WDR70: variants seen among roughly 807,000 people sequenced by gnomAD.
The protein encoded by WDR70 is WD repeat-containing protein 70.
In WDR70, 53 loss-of-function variants were observed where a neutral mutation model predicts 88.6. That is an observed-to-expected ratio of 0.60 (90% CI 0.48 to 0.75). The LOEUF (loss-of-function observed/expected upper bound fraction) is 0.75, where lower values mean the gene tolerates loss of function less well. Among genes scored for constraint, WDR70 ranks in the 30% least tolerant of loss-of-function variants. The pLI is 0.00. For missense variants in WDR70, 610 were observed against 823.2 expected (o/e 0.74, Z 3.17); for synonymous variants, 280 against 270.0 (o/e 1.04, Z -0.36).
chr5:37,381,048 G>A (rs1748409205), intron 2 of WDR70, among the ~76,000 whole-genome samples: 3 of 152,178 alleles, frequency 2.0e-5, no homozygotes, highest in Admixed American at 2.0e-4. Context: ...AAAGTTACTG[G>A]GGGAGGAGGA....
At chr5:37,444,334 C>CCCT (rs1738393179) in intron 7 of WDR70, among the ~76,000 whole-genome samples, 1 of 54,666 alleles carries the variant, frequency 1.8e-5, no homozygotes, top group African/African-American at 4.2e-5. Context: ...GCCAGCCTTT[C>CCCT]TCTTTTTTTT....
intron 10 of WDR70, among the ~76,000 whole-genome samples, chr5:37,670,681 A>G (rs1344526559): frequency 6.6e-6 from 1 of 152,216 alleles, no homozygotes; most frequent in Non-Finnish European, 1.5e-5. Context: ...GGAAGAGCCA[A>G]GATTTGATCT....
chr5:37,519,234 G>A (rs906493589), intron 9 of WDR70, among the ~76,000 whole-genome samples: 12 of 152,314 alleles, frequency 7.9e-5, no homozygotes, highest in Middle Eastern at 3.4e-3. Flanking sequence ...TCCCAGATGG[G>A]GCACCGGGCA....
intron 8 of WDR70, chr5:37,505,593 G>A (rs1740535880): frequency 2.8e-6 from 2 of 706,604 alleles, no homozygotes; most frequent in Non-Finnish European, 5.2e-6. Context: ...TTTCCTTACA[G>A]TGTTACTTCT....
At chr5:37,446,013 A>G (rs1372563953) in intron 7 of WDR70, among the ~76,000 whole-genome samples, 1 of 152,214 alleles carries the variant, frequency 6.6e-6, no homozygotes, top group East Asian at 1.9e-4. Context: ...CTGTGTGCAG[A>G]TGACATGGTT....
intron 5 of WDR70, among the ~76,000 whole-genome samples, chr5:37,416,377 G>T (rs535144615): frequency 2.0e-5 from 3 of 152,226 alleles, no homozygotes; most frequent in South Asian, 4.2e-4. Context: ...CAGGCGTGGC[G>T]GCGCGCCTGC....
At chr5:37,521,343 C>G (rs549300060) in intron 9 of WDR70, among the ~76,000 whole-genome samples, 7 of 152,218 alleles carry the variant, frequency 4.6e-5, no homozygotes, top group South Asian at 2.1e-4. Flanking sequence ...TTTTTAACAA[C>G]TTTTTTATTT....
chr5:37,443,486 G>A lies in WDR70; in HGVS notation c.686+114G>A, dbSNP rs1581282090. On this transcript the variant is annotated intron_variant, in intron 7 of 17. Coordinates refer to ENST00000265107, the MANE Select transcript of WDR70 (RefSeq NM_018034.4). Reference sequence around the variant, plus strand: ...AATGATTTGTATCAAAATACATTACGTTTATATGACTGTATACGGCCTTCA... The same window carrying A: ...AATGATTTGTATCAAAATACATTACATTTATATGACTGTATACGGCCTTCA... The A allele has an allele frequency of 9.0e-6, 11 of 1,223,250 alleles. 1 individual carries two copies. In the East Asian group the frequency reaches 2.1e-4, roughly 24 times the overall value. The allele number at this position is 1,223,250 out of a possible 1,614,324, so 75.8% of individuals were successfully genotyped here. A position where few individuals can be genotyped will look rare whatever the true frequency, so the allele number is the denominator to read the frequency against.
chr5:37,560,474 T>G (rs1009182290), intron 9 of WDR70, among the ~76,000 whole-genome samples: 10 of 152,214 alleles, frequency 6.6e-5, no homozygotes, highest in African/African-American at 2.4e-4. Context: ...TGGTAAGCTG[T>G]ATGTCTATAG....
At chr5:37,746,987 A>C (rs147135425) in intron 17 of WDR70, among the ~76,000 whole-genome samples, 3 of 152,240 alleles carry the variant, frequency 2.0e-5, no homozygotes, top group African/African-American at 7.2e-5. Context: ...CTTCAGGCCA[A>C]TGTCCCTGAT....
chr5:37,490,127 G>A (rs1390601828), intron 8 of WDR70, among the ~76,000 whole-genome samples: 1 of 152,128 alleles, frequency 6.6e-6, no homozygotes, highest in Non-Finnish European at 1.5e-5. Flanking sequence ...GACTGATGGT[G>A]CAGGGGAATC....
chr5:37,396,115 G>A (rs980638714), intron 4 of WDR70, among the ~76,000 whole-genome samples: 1 of 152,156 alleles, frequency 6.6e-6, no homozygotes, highest in African/African-American at 2.4e-5. Context: ...GTCTCTTTAT[G>A]AGTGCTAATG....
chr5:37,382,117 G>A (rs573965272), intron 3 of WDR70, among the ~76,000 whole-genome samples: 23 of 131,648 alleles, frequency 1.7e-4, no homozygotes, highest in Non-Finnish European at 3.1e-4. Context: ...TTTTTTTTTT[G>A]AGATGGAGTC....
intron 10 of WDR70, among the ~76,000 whole-genome samples, chr5:37,678,531 CT>C (rs1746309037): frequency 6.8e-6 from 1 of 147,672 alleles, no homozygotes; most frequent in Non-Finnish European, 1.5e-5. Flanking sequence ...GTTGAAAATT[CT>C]TTTCTTTAAG....
chr5:37,699,717 G>T (rs559357738), intron 11 of WDR70, among the ~76,000 whole-genome samples: 6 of 152,188 alleles, frequency 3.9e-5, no homozygotes, highest in South Asian at 2.1e-4. Flanking sequence ...GGAGGCCGAG[G>T]CAGGTGGATC....
chr5:37,521,219 G>A (rs1741074647), intron 9 of WDR70, among the ~76,000 whole-genome samples: 1 of 152,220 alleles, frequency 6.6e-6, no homozygotes, highest in Non-Finnish European at 1.5e-5. Context: ...TTTCCAGGCT[G>A]TGTAAATTAG....
intron 10 of WDR70, among the ~76,000 whole-genome samples, chr5:37,673,583 A>ACCTCCTCCCC (rs1554010663): frequency 1.3e-5 from 1 of 76,228 alleles, no homozygotes; most frequent in Non-Finnish European, 2.4e-5. Context: ...GACTTTTCTT[A>ACCTCCTCCCC]CCCCCCCCCC....
At chr5:37,439,560 A>G (rs1750587250) in intron 6 of WDR70, among the ~76,000 whole-genome samples, 1 of 151,570 alleles carries the variant, frequency 6.6e-6, no homozygotes, top group Non-Finnish European at 1.5e-5. Flanking sequence ...AACTTAAAAA[A>G]TACTCCAGTA....
At chr5:37,548,274 G>C (rs989336313) in intron 9 of WDR70, among the ~76,000 whole-genome samples, 4 of 152,106 alleles carry the variant, frequency 2.6e-5, no homozygotes, top group African/African-American at 9.7e-5. Flanking sequence ...ATTAGTATGA[G>C]GGTTCCTTTT....
Sources: allele counts gnomAD v4.1 joint callset (sites outside exome capture counted in the v4.1 genomes callset), GRCh38; gene constraint gnomAD v4.1.1; transcripts MANE v1.5; gene names NCBI Gene and HGNC (gene_info 2026-07-23, HGNC 2026-07-21).